ADAT1: variants seen among roughly 807,000 people sequenced by gnomAD.
ADAT1 encodes the protein tRNA-specific adenosine deaminase 1.
Under a neutral mutation model 58.6 loss-of-function variants are expected in ADAT1, and 58 were observed. That is an observed-to-expected ratio of 0.99 (90% CI 0.80 to 1.23). ADAT1 has a LOEUF of 1.23. Ranked by LOEUF, ADAT1 falls within the 50% of genes most tolerant of loss-of-function variation. The pLI, the probability that ADAT1 is intolerant of heterozygous loss-of-function variation, is 0.00. For synonymous variants in ADAT1, 254 were observed against 220.8 expected (o/e 1.15, Z -1.33); for missense variants, 741 against 608.6 (o/e 1.22, Z -2.29).
In ADAT1 at chr16:75,600,231, A is replaced by C; in HGVS notation, c.1494T>G (p.Tyr498Ter). 1 of 1,614,202 alleles carries C rather than the reference A, an allele frequency of 6.2e-7. No individual in the cohort carries two copies. The highest frequency in any genetic ancestry group is 8.5e-7 in the Non-Finnish European group (1 of 1,180,016). Reference protein sequence around the residue: ...FGSWIRNPPDYHQFK With the variant: ...FGSWIRNPPD ...CATTTCCTTCTCACTTGAACTGGTG[A>C]TAATCCGGTGGGTTTCTGATCCAGG... Residue 498 changes from tyrosine to a stop codon, truncating the protein, a stop_gained, in exon 10 of 10, where the codon TAT (tyrosine) becomes TAG (stop). Transcript: ENST00000564657. LOFTEE classifies it high-confidence loss of function.
chr16:75,597,834 C>A lies in ADAT1; in HGVS notation c.*2382G>T, dbSNP rs965312700. On this transcript the variant is annotated 3_prime_UTR_variant, in exon 10 of 10. Coordinates refer to ENST00000564657, the MANE Select transcript of ADAT1 (RefSeq NM_001324445.2). ...GAATCTAATGCCACTGCTGGTATGA[C>A]AGGAGGAGGAGCTACGGCAGAAATG... Among the ~76,000 whole-genome samples, 3 of 152,152 alleles carry A rather than the reference C, an allele frequency of 2.0e-5. No homozygotes were observed. The highest frequency in any genetic ancestry group is 4.4e-5 in the Non-Finnish European group (3 of 68,024).
At chr16:75,615,321 C>A in intron 5 of ADAT1, among the ~76,000 whole-genome samples, 1 of 150,872 alleles carries the variant, frequency 6.6e-6, no homozygotes. Flanking sequence ...TCTCACAGAT[C>A]AGTACCTGTT....
intron 5 of ADAT1, among the ~76,000 whole-genome samples, chr16:75,615,900 C>T (rs2081698177): frequency 1.3e-5 from 2 of 152,128 alleles, no homozygotes; most frequent in Non-Finnish European, 2.9e-5. Context: ...TGGACTAGGG[C>T]CCTTACGGCT....
At position 75,608,269 on chromosome 16, in the gene ADAT1, A is replaced by T. The variant is rs745543434; in HGVS notation, c.1244T>A (p.Phe415Tyr). 6.2e-7 allele frequency: 1 copy of T among 1,614,124 alleles called. No individual in the cohort carries two copies. The highest frequency in any genetic ancestry group is 1.1e-5 in the South Asian group (1 of 91,080). The change falls in exon 8 of 10, where the codon TTT becomes TAT. Residue 415 changes from phenylalanine (F) to tyrosine (Y), a missense_variant. Phe to Tyr is a conservative substitution (Grantham distance 22). Coordinates refer to ENST00000564657, the MANE Select transcript of ADAT1 (RefSeq NM_001324445.2). ...TGTTTTCTTTGTTGTTCCCTGTGGAAAGCCATTGGCAGTAACATCCAAAGG... is the reference window on the plus strand; with the variant it reads ...TGTTTTCTTTGTTGTTCCCTGTGGATAGCCATTGGCAGTAACATCCAAAGG... ...EQPLDVTANG[F>Y]PQGTTKKTIG... is the part of the protein sequence containing the mutation.
rs2081144343 is a variant in ADAT1 at position 75,598,881 on chromosome 16, A to G, written c.*1335T>C. 2.0e-6 allele frequency: 2 copies of G among 982,472 alleles called. No individual in the cohort carries two copies. The highest frequency in any genetic ancestry group is 3.5e-5 in the African/African-American group (2 of 57,226). 60.9% of individuals were successfully genotyped at this position (982,472 alleles called of 1,614,324 possible). A position where few individuals can be genotyped will look rare whatever the true frequency, so the allele number is the denominator to read the frequency against. ...TTTATGGTCTGTGAATTATATCTCA[A>G]TACAACTGTTATTTAAAAATATTTA... On this transcript the variant is annotated 3_prime_UTR_variant, in exon 10 of 10. Transcript: ENST00000564657.
At chr16:75,612,000 G>A (rs967438669) in intron 6 of ADAT1, among the ~76,000 whole-genome samples, 1 of 152,178 alleles carries the variant, frequency 6.6e-6, no homozygotes, top group African/African-American at 2.4e-5. Context: ...GGTGGCTGCA[G>A]TGAGCCCAGA....
chr16:75,620,122 C>A (rs1004347136), intron 3 of ADAT1, 144 bp downstream of exon 3: 26 of 742,490 alleles, frequency 3.5e-5, no homozygotes, highest in Admixed American at 2.3e-4. Flanking sequence ...CAAGTGAGTA[C>A]GGTCCTTCCA....
rs1229524408 is a variant in ADAT1, at chr16:75,599,141, G to T, written c.*1075C>A. 6.2e-6 allele frequency: 6 copies of T among 971,298 alleles called. No homozygotes were observed. The African/African-American group carries it at 1.1e-4, about 18-fold the overall frequency. 60.2% of individuals were successfully genotyped at this position (971,298 alleles called of 1,614,324 possible). ...CTATCACCCAGGCTGGAGTGCAGCGGTACGATCTTTGCTCACCACTACCTC... is the reference window on the plus strand; with the variant it reads ...CTATCACCCAGGCTGGAGTGCAGCGTTACGATCTTTGCTCACCACTACCTC... On this transcript the variant is annotated 3_prime_UTR_variant, in exon 10 of 10. Transcript: ENST00000564657.
intron 7 of ADAT1, 181 bp from the exon 8 acceptor site, chr16:75,608,504 C>T: frequency 1.7e-6 from 1 of 589,444 alleles, no homozygotes; most frequent in Non-Finnish European, 3.0e-6. Context: ...GTTCATAATT[C>T]ATTATTATTA....
chr16:75,611,788 T>C (rs1328517019), intron 6 of ADAT1, among the ~76,000 whole-genome samples: 7 of 152,048 alleles, frequency 4.6e-5, no homozygotes, highest in Non-Finnish European at 8.8e-5. Context: ...CCGGGCGCGG[T>C]GGCTCACACC....
chr16:75,618,838 G>A, intron 3 of ADAT1, 198 bp from the exon 4 acceptor site: 1 of 552,332 alleles, frequency 1.8e-6, no homozygotes, highest in Non-Finnish European at 3.1e-6. Flanking sequence ...AGACATTTTG[G>A]GCCAGAAAAT....
intron 7 of ADAT1, 70 bp downstream of exon 7, chr16:75,608,773 C>A (rs2081436212): frequency 6.5e-7 from 1 of 1,548,200 alleles, no homozygotes. Context: ...TGGGAGGATG[C>A]CGACCCTCTG....
intron 5 of ADAT1, among the ~76,000 whole-genome samples, chr16:75,615,537 T>C (rs1370042392): frequency 9.4e-6 from 1 of 106,840 alleles, no homozygotes; most frequent in African/African-American, 3.6e-5. Context: ...AATCTCATAA[T>C]GTTTTAAGAA....
At chr16:75,617,316 T>C in intron 4 of ADAT1, 44 bp from the exon 5 acceptor site, 1 of 1,594,956 alleles carries the variant, frequency 6.3e-7, no homozygotes, top group Non-Finnish European at 8.6e-7. Context: ...CCGATCTCTG[T>C]GGTAAGGGGA....
intron 3 of ADAT1, among the ~76,000 whole-genome samples, chr16:75,619,288 CA>C (rs1199866526): frequency 6.6e-6 from 1 of 152,002 alleles, no homozygotes; most frequent in Non-Finnish European, 1.5e-5. Flanking sequence ...TTTGGGAGGC[CA>C]AGGCAGGAGG....
At chr16:75,614,181 T>G (rs983322695) in intron 5 of ADAT1, among the ~76,000 whole-genome samples, 4 of 152,040 alleles carry the variant, frequency 2.6e-5, no homozygotes, top group East Asian at 1.9e-4. Flanking sequence ...CAGAGGGAGA[T>G]TCCATCTCAA....
chr16:75,610,095 C>A (rs558146613), intron 6 of ADAT1, among the ~76,000 whole-genome samples: 1 of 152,158 alleles, frequency 6.6e-6, no homozygotes, highest in East Asian at 1.9e-4. Context: ...ATTTCTTTCA[C>A]TTAGCATTAT....
At chr16:75,609,503 A>G (rs193197564) in intron 6 of ADAT1, among the ~76,000 whole-genome samples, 1 of 151,432 alleles carries the variant, frequency 6.6e-6, no homozygotes, top group East Asian at 1.9e-4. Flanking sequence ...TGGCTTTTTT[A>G]AAAAAAAACA....
chr16:75,600,488 T>C (rs1226197911), intron 9 of ADAT1, 140 bp from the exon 10 acceptor site: 9 of 1,378,668 alleles, frequency 6.5e-6, no homozygotes, highest in African/African-American at 5.8e-5. Flanking sequence ...TTTGTGAAAG[T>C]TGATCATACA....
Sources: allele counts gnomAD v4.1 joint callset (sites outside exome capture counted in the v4.1 genomes callset), GRCh38; gene constraint gnomAD v4.1.1; transcripts MANE v1.5; gene names NCBI Gene and HGNC (gene_info 2026-07-23, HGNC 2026-07-21).